PPM1L: variants seen among roughly 807,000 people sequenced by gnomAD.
The protein encoded by PPM1L is protein phosphatase, Mg2+/Mn2+ dependent 1L, also known as protein phosphatase 1L.
A neutral mutation model predicts 31.4 loss-of-function variants in PPM1L; 13 were observed. The observed-to-expected ratio is 0.41, with a 90% CI of 0.27 to 0.66. The LOEUF is 0.66. Among genes scored for constraint, PPM1L ranks in the 30% least tolerant of loss-of-function variants. The pLI, the probability that PPM1L is intolerant of heterozygous loss-of-function variation, is 0.29. For missense variants in PPM1L, 326 were observed against 453.7 expected (o/e 0.72, Z 2.56); for synonymous variants, 184 against 175.4 (o/e 1.05, Z -0.39).
At chr3:161,036,234 T>C (rs536543034) in intron 2 of PPM1L, 1 of 152,304 alleles carries the variant, frequency 6.6e-6, no homozygotes, top group South Asian at 2.1e-4. Flanking sequence ...TGGCTCATTA[T>C]AAGTATGTAT....
chr3:160,984,839 A>G lies in PPM1L; in HGVS notation c.574+22929A>G, dbSNP rs1576762611. ...TGGTTCTCTACCAGAGGCGATATCT[A>G]CCTCCACCCCCATGGGACATTTGGC... On this transcript the variant is annotated intron_variant, in intron 2 of 3. Coordinates refer to ENST00000498165, the MANE Select transcript of PPM1L (RefSeq NM_139245.4). Among the ~76,000 whole-genome samples, 4 of 152,036 alleles carry G rather than the reference A, an allele frequency of 2.6e-5. No individual in the cohort carries two copies. The East Asian group carries it at 7.7e-4, about 29-fold the overall frequency.
intron 2 of PPM1L, among the ~76,000 whole-genome samples, chr3:161,034,014 C>T (rs1210794515): frequency 1.3e-5 from 2 of 152,096 alleles, no homozygotes; most frequent in Non-Finnish European, 2.9e-5. Flanking sequence ...CAAACAACCC[C>T]ATCAAAAAGT....
intron 1 of PPM1L, among the ~76,000 whole-genome samples, chr3:160,866,773 T>C (rs911213267): frequency 5.9e-5 from 9 of 152,220 alleles, no homozygotes; most frequent in African/African-American, 2.2e-4. Context: ...GACATCTGAT[T>C]ACCTCTCTTT....
chr3:161,033,140 T>C (rs1282758031), intron 2 of PPM1L, among the ~76,000 whole-genome samples: 1 of 152,120 alleles, frequency 6.6e-6, no homozygotes, highest in East Asian at 1.9e-4. Flanking sequence ...ACAAGGGATC[T>C]GAAGGACCTC....
rs1033630445 is a variant in PPM1L, at chr3:160,999,070, A to G, written c.574+37160A>G. 4.6e-5 allele frequency among the ~76,000 whole-genome samples: 7 copies of G among 152,184 alleles called. No individual in the cohort carries two copies. The East Asian group carries it at 1.2e-3, about 25-fold the overall frequency. Reference sequence around the variant, plus strand: ...GCACAATAAATGCAATTTTGGTGCAATGTTGGGGAAAGTGTAAAAATACTA... The same window carrying G: ...GCACAATAAATGCAATTTTGGTGCAGTGTTGGGGAAAGTGTAAAAATACTA... On this transcript the variant is annotated intron_variant, in intron 2 of 3. Transcript: ENST00000498165.
intron 2 of PPM1L, among the ~76,000 whole-genome samples, chr3:161,003,446 C>T (rs1410592408): frequency 1.3e-5 from 2 of 151,642 alleles, no homozygotes; most frequent in African/African-American, 2.4e-5. Context: ...GCCATTTTCA[C>T]GATATTGATT....
chr3:161,005,332 A>G (rs960459096), intron 2 of PPM1L, among the ~76,000 whole-genome samples: 1 of 152,190 alleles, frequency 6.6e-6, no homozygotes, highest in Non-Finnish European at 1.5e-5. Context: ...AGTTTCTATG[A>G]AAAAACAAAG....
In PPM1L at chr3:161,076,196, C is replaced by G. The variant is rs1462177965; in HGVS notation, c.*7039C>G. ...TGTAGAAATGATGTATTAGACATCT[C>G]TAACCCAAGAAAAAGATGTCTTTTG... On this transcript the variant is annotated 3_prime_UTR_variant, in exon 4 of 4. Transcript: ENST00000498165. 6.6e-6 allele frequency: 1 copy of G among 152,142 alleles called. No homozygotes were observed. The highest frequency in any genetic ancestry group is 1.5e-5 in the Non-Finnish European group (1 of 68,016). The allele number at this position is 152,142 out of a possible 1,614,324, so 9.4% of individuals were successfully genotyped here.
At chr3:160,824,827 A>G (rs1713308961) in intron 1 of PPM1L, among the ~76,000 whole-genome samples, 1 of 152,116 alleles carries the variant, frequency 6.6e-6, no homozygotes, top group African/African-American at 2.4e-5. Context: ...TCTAAGATTC[A>G]TGCCTTATAT....
chr3:160,934,288 G>T (rs1277666328), intron 1 of PPM1L, among the ~76,000 whole-genome samples: 1 of 152,216 alleles, frequency 6.6e-6, no homozygotes, highest in Non-Finnish European at 1.5e-5. Context: ...AGTCAAATAA[G>T]TGGAAATGAG....
At chr3:160,772,876 C>T (rs1437051022) in intron 1 of PPM1L, among the ~76,000 whole-genome samples, 1 of 151,880 alleles carries the variant, frequency 6.6e-6, no homozygotes, top group Non-Finnish European at 1.5e-5. Context: ...TGAGATTCAT[C>T]CATGTTGTTC....
chr3:160,871,335 G>T (rs1228664270), intron 1 of PPM1L, among the ~76,000 whole-genome samples: 1 of 150,210 alleles, frequency 6.7e-6, no homozygotes, highest in Non-Finnish European at 1.5e-5. Flanking sequence ...ATGTATTTCA[G>T]AGGAGCAAGA....
intron 1 of PPM1L, among the ~76,000 whole-genome samples, chr3:160,925,229 C>G (rs1008967891): frequency 1.3e-5 from 2 of 152,188 alleles, no homozygotes; most frequent in Admixed American, 1.3e-4. Context: ...ACTAAAACCC[C>G]TGTTTATAAG....
chr3:160,955,571 G>A lies in PPM1L; in HGVS notation c.400-6165G>A, dbSNP rs367755080. 1.5e-4 allele frequency among the ~76,000 whole-genome samples: 22 copies of A among 151,704 alleles called. No individual in the cohort carries two copies. In the East Asian group the frequency reaches 4.1e-3, roughly 28 times the overall value. The stretch of plus-strand genomic sequence containing the variant: ...AATTGCAGTTTCCTTTATGGTAAAG[G>A]CTTGTTTTCCCAACAGTTCAAGCCT... On this transcript the variant is annotated intron_variant, in intron 1 of 3. Transcript: ENST00000498165.
chr3:160,925,108 T>C (rs1714543389), intron 1 of PPM1L, among the ~76,000 whole-genome samples: 1 of 152,202 alleles, frequency 6.6e-6, no homozygotes, highest in Admixed American at 6.5e-5. Context: ...TACCTAATCA[T>C]TGAAATCAGC....
chr3:160,897,496 T>C (rs1484190234), intron 1 of PPM1L, among the ~76,000 whole-genome samples: 1 of 152,202 alleles, frequency 6.6e-6, no homozygotes, highest in Admixed American at 6.5e-5. Context: ...TCCTTAACCT[T>C]AATTCTAACA....
At chr3:161,067,498 G>A (rs761423426) in intron 3 of PPM1L, among the ~76,000 whole-genome samples, 10 of 152,118 alleles carry the variant, frequency 6.6e-5, no homozygotes, top group South Asian at 2.1e-4. Context: ...TCTTTCTGTC[G>A]CCACTCCTTA....
intron 1 of PPM1L, among the ~76,000 whole-genome samples, chr3:160,954,899 C>T (rs529582912): frequency 4.0e-4 from 41 of 101,544 alleles, no homozygotes; most frequent in Non-Finnish European, 6.7e-4. Flanking sequence ...TTTCTTTCTT[C>T]CTTCCTTCCT....
chr3:160,921,265 A>G (rs560045178), intron 1 of PPM1L, among the ~76,000 whole-genome samples: 30 of 152,348 alleles, frequency 2.0e-4, no homozygotes, highest in African/African-American at 6.7e-4. Flanking sequence ...CTGGCCAGTC[A>G]GCAGGCTGAA....
Sources: allele counts gnomAD v4.1 joint callset (sites outside exome capture counted in the v4.1 genomes callset), GRCh38; gene constraint gnomAD v4.1.1; transcripts MANE v1.5; gene names NCBI Gene and HGNC (gene_info 2026-07-23, HGNC 2026-07-21).